Variants in PARD3B observed in about 807,000 individuals in gnomAD.
PARD3B encodes partitioning defective 3 homolog B.
Under a neutral mutation model 130.2 loss-of-function variants are expected in PARD3B, and 103 were observed. The observed-to-expected ratio is 0.79, with a 90% CI of 0.67 to 0.93. The LOEUF is 0.93. Ranked by LOEUF, PARD3B falls within the 40% of genes least tolerant of loss-of-function variation. The pLI, the probability that PARD3B is intolerant of heterozygous loss-of-function variation, is 0.00. For missense variants in PARD3B, 1,609 were observed against 1,499.2 expected (o/e 1.07, Z -1.21); for synonymous variants, 583 against 553.2 (o/e 1.05, Z -0.76).
chr2:205,496,400 A>T (rs2049926941), intron 20 of PARD3B, among the ~76,000 whole-genome samples: 1 of 152,202 alleles, frequency 6.6e-6, no homozygotes. Context: ...GTTGAGAGGA[A>T]AAAAGAAGAG....
intron 2 of PARD3B, among the ~76,000 whole-genome samples, chr2:204,797,791 A>G (rs2042427257): frequency 6.6e-6 from 1 of 152,176 alleles, no homozygotes; most frequent in South Asian, 2.1e-4. Flanking sequence ...TTTTGGAAGA[A>G]TGTCATTGAA....
At chr2:204,716,075 G>A (rs1392885646) in intron 2 of PARD3B, among the ~76,000 whole-genome samples, 1 of 152,092 alleles carries the variant, frequency 6.6e-6, no homozygotes, top group Non-Finnish European at 1.5e-5. Flanking sequence ...TTAAATGTAG[G>A]AACTAATTAT....
intron 11 of PARD3B, among the ~76,000 whole-genome samples, chr2:205,171,368 C>G (rs886340411): frequency 1.3e-5 from 2 of 152,192 alleles, no homozygotes; most frequent in African/African-American, 4.8e-5. Context: ...GCAGGCATCC[C>G]AGTGTGTCAG....
At chr2:204,877,523 A>G (rs1268968809) in intron 2 of PARD3B, among the ~76,000 whole-genome samples, 5 of 152,186 alleles carry the variant, frequency 3.3e-5, no homozygotes, top group Non-Finnish European at 5.9e-5. Context: ...GCAGTTTTTG[A>G]TAACTATAAG....
rs763500250 is a variant in PARD3B, at chr2:205,123,718, G to A, written c.1166-609G>A. Among the ~76,000 whole-genome samples the A allele has an allele frequency of 1.1e-4, 17 of 151,864 alleles. 1 individual carries two copies. Among genetic ancestry groups the A allele is most frequent in the African/African-American group, 2.2e-4 (9 of 41,296 alleles). ...AAGCTAGACCAACAGAGATGGTCGC[G>A]GGTAGGTCACTGGTGATGGAAGCTT... On this transcript the variant is annotated intron_variant, in intron 8 of 22. Transcript: ENST00000406610.
At chr2:205,172,128 A>C in intron 11 of PARD3B, 83 bp from the exon 12 acceptor site, 1 of 1,375,966 alleles carries the variant, frequency 7.3e-7, no homozygotes, top group Non-Finnish European at 9.9e-7. Flanking sequence ...TTTCATTTTT[A>C]AACTTGAACT....
At chr2:204,979,464 T>C (rs945869435) in intron 3 of PARD3B, among the ~76,000 whole-genome samples, 1 of 152,216 alleles carries the variant, frequency 6.6e-6, no homozygotes, top group Admixed American at 6.5e-5. Flanking sequence ...CTGAAGCTAT[T>C]TGTTGTTAAT....
At chr2:205,375,319 G>A (rs1041792451) in intron 18 of PARD3B, among the ~76,000 whole-genome samples, 1 of 152,166 alleles carries the variant, frequency 6.6e-6, no homozygotes, top group Admixed American at 6.5e-5. Flanking sequence ...CCATAGAGAT[G>A]AATACTTCAT....
Position 205,236,070 on chromosome 2 carries a change from T to G in PARD3B, c.2141-9708T>G, listed in dbSNP as rs1271102735. 2.6e-5 allele frequency among the ~76,000 whole-genome samples: 4 copies of G among 152,226 alleles called. No homozygotes were observed. The East Asian group carries it at 7.7e-4, about 29-fold the overall frequency. On this transcript the variant is annotated intron_variant, in intron 15 of 22. Transcript: ENST00000406610. ...TTCAAAGGATGTTAAGGCAATATTA[T>G]GCACAATAAATTTGACAACTAAAAT...
At chr2:204,613,839 T>G (rs1280799306) in intron 1 of PARD3B, among the ~76,000 whole-genome samples, 2 of 152,160 alleles carry the variant, frequency 1.3e-5, no homozygotes, top group African/African-American at 4.8e-5. Context: ...CTTATTGATC[T>G]TTCCTTAGGG....
rs921702380 is a variant in PARD3B at position 204,678,249 on chromosome 2, C to T, written c.121-7932C>T. Among the ~76,000 whole-genome samples, 53 of 152,054 alleles carry T rather than the reference C, an allele frequency of 3.5e-4. No homozygotes were observed. Among genetic ancestry groups the T allele is most frequent in the African/African-American group, 7.0e-4 (29 of 41,396 alleles). ...TGCTGGCAGGACCAAACCCAGTAAC[C>T]GGGCCCGTGGTAGCAATCAGTGGTT... On this transcript the variant is annotated intron_variant, in intron 1 of 22. Coordinates refer to ENST00000406610, the MANE Select transcript of PARD3B (RefSeq NM_001302769.2). This position sits in a 1 kb window ranked among gnomAD's most constrained non-coding sequence, Gnocchi z 4.2.
chr2:205,430,154 G>C (rs1465918987), intron 19 of PARD3B, among the ~76,000 whole-genome samples: 1 of 152,104 alleles, frequency 6.6e-6, no homozygotes, highest in Non-Finnish European at 1.5e-5. Context: ...AATTTCCCTC[G>C]ATATATAAGT....
At chr2:204,902,064 G>C (rs2046879523) in intron 2 of PARD3B, among the ~76,000 whole-genome samples, 1 of 152,120 alleles carries the variant, frequency 6.6e-6, no homozygotes, top group Non-Finnish European at 1.5e-5. Flanking sequence ...TTGGTGGGGT[G>C]GTGGTGCAAG....
chr2:205,383,092 A>AT (rs2045515720), intron 18 of PARD3B, among the ~76,000 whole-genome samples: 1 of 104,180 alleles, frequency 9.6e-6, no homozygotes, highest in Non-Finnish European at 1.9e-5. Context: ...ACATAGATAG[A>AT]TAGATAGATA....
intron 3 of PARD3B, among the ~76,000 whole-genome samples, chr2:205,014,446 A>C (rs1468404574): frequency 6.6e-6 from 1 of 152,216 alleles, no homozygotes; most frequent in Middle Eastern, 3.2e-3. Flanking sequence ...AAGGGGTGAT[A>C]TCTAATTCAC....
intron 1 of PARD3B, among the ~76,000 whole-genome samples, chr2:204,643,113 C>CATAAAAAAAAAAAAAAA (rs1252171157): frequency 2.3e-4 from 1 of 4,306 alleles, no homozygotes; most frequent in African/African-American, 4.1e-4. Context: ...GACTCTGTCT[C>CATAAAAAAAAAAAAAAA]ACAAAAAAAA....
At chr2:204,926,189 C>T (rs1171546107) in intron 2 of PARD3B, among the ~76,000 whole-genome samples, 1 of 151,996 alleles carries the variant, frequency 6.6e-6, no homozygotes, top group Non-Finnish European at 1.5e-5. Flanking sequence ...GGCAAGACCA[C>T]ACACAAAGTA....
At chr2:205,237,931 T>G (rs2125906627) in intron 15 of PARD3B, among the ~76,000 whole-genome samples, 1 of 152,342 alleles carries the variant, frequency 6.6e-6, no homozygotes, top group Admixed American at 6.5e-5. Flanking sequence ...TGCTAGGAAC[T>G]TGTCTGAAAA....
At chr2:205,207,042 T>C (rs1171120254) in intron 15 of PARD3B, among the ~76,000 whole-genome samples, 2 of 144,606 alleles carry the variant, frequency 1.4e-5, no homozygotes, top group East Asian at 4.0e-4. Flanking sequence ...GCAATCAAAC[T>C]AGAACTCAGG....
Sources: gnomAD v4.1 joint callset for allele counts (sites outside exome capture counted in the v4.1 genomes callset) on GRCh38, gnomAD v4.1.1 for gene constraint, Gnocchi (gnomAD v3.1) non-coding constraint, MANE v1.5 for transcripts, NCBI Gene and HGNC (gene_info 2026-07-23, HGNC 2026-07-21) for gene names.